Variants in CD82 observed in about 807,000 individuals in gnomAD.
CD82 encodes the protein CD82 molecule, also known as CD82 antigen.
Under a neutral mutation model 37.4 loss-of-function variants are expected in CD82, and 36 were observed. The ratio of observed to expected loss-of-function variants is 0.96; its 90% CI spans 0.74 to 1.27. CD82 has a LOEUF of 1.27. CD82 is among the 50% of genes most tolerant of loss of function. The pLI is 0.00. For synonymous variants in CD82, 158 were observed against 137.4 expected (o/e 1.15, Z -1.05); for missense variants, 340 against 347.0 (o/e 0.98, Z 0.16).
intron 4 of CD82, 88 bp from the exon 5 acceptor site, chr11:44,604,970 A>G: frequency 1.9e-6 from 3 of 1,593,176 alleles, no homozygotes; most frequent in Non-Finnish European, 2.6e-6. Context: ...CTGGCTCCAA[A>G]GAGGGGATCC....
chr11:44,590,764 T>C (rs1486212757), intron 2 of CD82, among the ~76,000 whole-genome samples: 1 of 152,114 alleles, frequency 6.6e-6, no homozygotes, highest in Admixed American at 6.5e-5. Flanking sequence ...AGACTGAGGC[T>C]CAGCTCTCAG....
chr11:44,606,467 CAAAAA>C (rs386373732), intron 6 of CD82: 1 of 103,710 alleles, frequency 9.6e-6, no homozygotes, highest in Non-Finnish European at 1.9e-5. Flanking sequence ...GACCCTGTCT[CAAAAA>C]AAAAAAAAAA....
chr11:44,599,399 C>A (rs764998190), intron 3 of CD82, among the ~76,000 whole-genome samples: 4 of 152,246 alleles, frequency 2.6e-5, no homozygotes, highest in Non-Finnish European at 4.4e-5. Flanking sequence ...CTGCCTGGGC[C>A]TCACAAAGTG....
At chr11:44,608,232 G>A (rs973783887) in intron 6 of CD82, 1 of 152,176 alleles carries the variant, frequency 6.6e-6, no homozygotes, top group Admixed American at 6.5e-5. Flanking sequence ...GAAAAGAAAG[G>A]CCTTTTGAAA....
intron 7 of CD82, 59 bp downstream of exon 7, chr11:44,615,432 T>C: frequency 9.9e-7 from 1 of 1,011,026 alleles, no homozygotes; most frequent in South Asian, 1.3e-5. Flanking sequence ...CATTTGGGGC[T>C]CTGTGCACCC....
At chr11:44,596,950 C>T (rs1223626776) in intron 3 of CD82, 1 of 456,224 alleles carries the variant, frequency 2.2e-6, no homozygotes, top group Non-Finnish European at 4.4e-6. Flanking sequence ...GCAGATGAGG[C>T]TCTTGGCCTG....
intron 7 of CD82, among the ~76,000 whole-genome samples, chr11:44,617,380 G>A (rs958882161): frequency 7.9e-5 from 12 of 152,086 alleles, no homozygotes; most frequent in Non-Finnish European, 1.3e-4. Flanking sequence ...CCAACATGGT[G>A]AAACCCCGTC....
rs71038809 is a variant in CD82, at chr11:44,598,400, A to ATTTTTTTTTTTTTTTTTTTTTTTTTTTTT, written c.64-1757_64-1729dup. On this transcript the variant is annotated intron_variant, in intron 3 of 9. Coordinates refer to ENST00000227155, the MANE Select transcript of CD82 (RefSeq NM_002231.4). The stretch of plus-strand genomic sequence containing the variant: ...CAGTTATCATGGATTTTTGGCCTTA[A>ATTTTTTTTTTTTTTTTTTTTTTTTTTTTT]TTTTTTTTTTTTTTTTTTTTTTTTT... Among the ~76,000 whole-genome samples the ATTTTTTTTTTTTTTTTTTTTTTTTTTTTT allele has an allele frequency of 5.1e-5, 3 of 58,880 alleles. 1 individual carries two copies. Among genetic ancestry groups the ATTTTTTTTTTTTTTTTTTTTTTTTTTTTT allele is most frequent in the Non-Finnish European group, 8.9e-5 (3 of 33,698 alleles). 38.6% of individuals were successfully genotyped at this position (58,880 alleles called of 152,430 possible).
At chr11:44,567,897 G>A (rs1425921875) in intron 1 of CD82, among the ~76,000 whole-genome samples, 1 of 152,250 alleles carries the variant, frequency 6.6e-6, no homozygotes, top group Non-Finnish European at 1.5e-5. Flanking sequence ...GTCTTGAGGA[G>A]AGGAAAATGC....
At chr11:44,581,215 G>C (rs1394674075) in intron 1 of CD82, among the ~76,000 whole-genome samples, 1 of 152,170 alleles carries the variant, frequency 6.6e-6, no homozygotes, top group Non-Finnish European at 1.5e-5. Flanking sequence ...GTTTCTGCAG[G>C]CAGCATGGTG....
rs746166676 is a variant in CD82 at position 44,615,332 on chromosome 11, G to T, written c.397G>T (p.Glu133Ter). The change falls in exon 7 of 10, where the codon GAG (glutamate) becomes TAG (stop). Residue 133 changes from glutamate (E) to a stop codon, truncating the protein, a stop_gained. Transcript: ENST00000227155. LOFTEE classifies it high-confidence loss of function. ...ELIRDYNSSR[E>*]DSLQDAWDYV... Reference sequence around the variant, plus strand: ...CATTCGAGACTACAACAGCAGTCGCGAGGACAGCCTGCAGGATGCCTGGGA... The same window carrying T: ...CATTCGAGACTACAACAGCAGTCGCTAGGACAGCCTGCAGGATGCCTGGGA... 2 of 1,613,808 alleles carry T rather than the reference G, an allele frequency of 1.2e-6. No homozygotes were observed. The highest frequency in any genetic ancestry group is 2.2e-5 in the South Asian group (2 of 91,070).
chr11:44,584,960 A>G (rs1056366852), intron 1 of CD82, among the ~76,000 whole-genome samples: 6 of 152,218 alleles, frequency 3.9e-5, no homozygotes, highest in Non-Finnish European at 8.8e-5. Context: ...TAGCCCGGCC[A>G]GGCTTTCTCA....
intron 7 of CD82, among the ~76,000 whole-genome samples, chr11:44,616,173 G>A (rs1306368548): frequency 6.6e-6 from 1 of 152,168 alleles, no homozygotes; most frequent in Non-Finnish European, 1.5e-5. Flanking sequence ...TGGGCAGCAG[G>A]AGAAAGCCTG....
At chr11:44,564,419 G>A (rs1383006680), upstream of CD82, 2 of 455,540 alleles carry the variant, frequency 4.4e-6, no homozygotes, top group South Asian at 1.5e-5. Context: ...CTCCCACAAC[G>A]GTGTGTTGTG....
intron 1 of CD82, among the ~76,000 whole-genome samples, chr11:44,582,448 C>T (rs888083689): frequency 6.6e-6 from 1 of 152,166 alleles, no homozygotes; most frequent in Non-Finnish European, 1.5e-5. Context: ...TGCTTACAGC[C>T]TTGGGTTTGG....
intron 2 of CD82, among the ~76,000 whole-genome samples, chr11:44,593,422 G>A (rs966068754): frequency 2.0e-5 from 3 of 152,252 alleles, no homozygotes; most frequent in Admixed American, 2.0e-4. Flanking sequence ...GCCCGGCGGT[G>A]CTGGCTCCCT....
At position 44,609,072 on chromosome 11, in the gene CD82, C is replaced by T. The variant is rs1022728934; in HGVS notation, c.336+3643C>T. ...GCCCTCGTTGTCAGCAGAGCAAGGG[C>T]TGCGGGAATGGGGATCTGGGCACGG... is the stretch of plus-strand genomic sequence containing the variant. On this transcript the variant is annotated intron_variant, in intron 6 of 9. Coordinates refer to ENST00000227155, the MANE Select transcript of CD82 (RefSeq NM_002231.4). 3.3e-5 allele frequency among the ~76,000 whole-genome samples: 5 copies of T among 152,348 alleles called. No individual in the cohort carries two copies. The South Asian group carries it at 6.2e-4, about 19-fold the overall frequency.
intron 1 of CD82, among the ~76,000 whole-genome samples, chr11:44,578,235 T>C (rs1193919085): frequency 6.6e-6 from 1 of 152,102 alleles, no homozygotes; most frequent in Non-Finnish European, 1.5e-5. Flanking sequence ...TCCAGGCCCA[T>C]ATCTCTTAGT....
intron 6 of CD82, chr11:44,607,930 C>G (rs902257328): frequency 1.3e-5 from 2 of 152,286 alleles, no homozygotes; most frequent in African/African-American, 4.8e-5. Flanking sequence ...CGACCCCAGC[C>G]AAGCTCTGTG....
Sources: gnomAD v4.1 joint callset for allele counts (sites outside exome capture counted in the v4.1 genomes callset) on GRCh38, gnomAD v4.1.1 for gene constraint, MANE v1.5 for transcripts, NCBI Gene and HGNC (gene_info 2026-07-23, HGNC 2026-07-21) for gene names.